CROCC: variants seen among roughly 807,000 people sequenced by gnomAD.
CROCC encodes the protein rootletin.
Under a neutral mutation model 245.2 loss-of-function variants are expected in CROCC, and 180 were observed. The ratio of observed to expected loss-of-function variants is 0.73; its 90% confidence interval spans 0.65 to 0.83. CROCC has a LOEUF of 0.83. Among genes scored for constraint, CROCC ranks in the 40% least tolerant of loss-of-function variants. The pLI is 0.00. For missense variants in CROCC, 2,688 were observed against 2,779.4 expected, an observed-to-expected ratio of 0.97 and a Z score of 0.74; for synonymous variants, 1,205 against 1,241.6, an observed-to-expected ratio of 0.97 and a Z score of 0.62.
At chr1:16,920,695 G>T (rs186386588), upstream of CROCC, among the ~76,000 whole-genome samples, 3 of 151,918 alleles carry the variant, frequency 2.0e-5, no homozygotes, top group Admixed American at 6.6e-5. Context: ...AATGGGAGGT[G>T]GTGGGTGACC....
In CROCC at chr1:16,955,520, C is replaced by T; in HGVS notation, c.3674C>T (p.Ala1225Val). 1.3e-6 allele frequency: 2 copies of T among 1,566,800 alleles called. No homozygotes were observed. The highest frequency in any genetic ancestry group is 8.6e-7 in the Non-Finnish European group (1 of 1,160,402). ...CGTTCCAATGAGGAGCTTCGGTCTG[C>T]TGTGAAGAAGGCAGAGAGCGAGCGC... ...LRRSNEELRS[A>V]VKKAESERIS... The change falls in exon 24 of 37, where the codon GCT becomes GTT. Residue 1225 changes from alanine to valine, a missense_variant. Physicochemically the swap from Ala to Val is moderately conservative, Grantham distance 64. Around this residue, in one of 9 missense-constraint regions of CROCC, gnomAD observed 1,218 missense variants for 1,286.3 expected, o/e 0.95. Transcript: ENST00000375541.
intron 8 of CROCC, among the ~76,000 whole-genome samples, chr1:16,935,713 C>G (rs1212749890): frequency 3.3e-5 from 5 of 152,282 alleles, no homozygotes; most frequent in African/African-American, 4.8e-5. Context: ...CGTGAGCCAC[C>G]AAGCCTGGCC....
At chr1:16,915,665 A>G (rs1255790877) in intron 1 of CROCC, among the ~76,000 whole-genome samples, 2 of 152,020 alleles carry the variant, frequency 1.3e-5, no homozygotes, top group Non-Finnish European at 2.9e-5. Flanking sequence ...AAAGGAGGAG[A>G]CAGACAACAT....
intron 35 of CROCC, 92 bp downstream of exon 35, chr1:16,970,859 C>G: frequency 1.4e-6 from 2 of 1,388,364 alleles, no homozygotes; most frequent in Non-Finnish European, 1.9e-6. Flanking sequence ...CAGCCCAGGG[C>G]CCATAACCCC....
At position 16,970,414 on chromosome 1, in the gene CROCC, G is replaced by A. The variant is rs1291258237; in HGVS notation, c.5613G>A (p.Leu1871=). 1.9e-6 allele frequency: 3 copies of A among 1,604,388 alleles called. No individual in the cohort carries two copies. In the South Asian group the frequency reaches 3.3e-5, roughly 18 times the overall value. The change falls in exon 34 of 37, where the codon CTG becomes CTA. Residue 1871 remains leucine (L), a synonymous_variant. Coordinates refer to ENST00000375541, the MANE Select transcript of CROCC (RefSeq NM_014675.5). ...AGGTGGAGCGCTCAGCCCTGCGGCT[G>A]GAGAAGGACCGTGTAGCCCTCAGGA... ...KREVERSALR[L]EKDRVALRRT...
chr1:16,944,077 C>T, intron 13 of CROCC, 23 bp from the exon 14 acceptor site: 1 of 1,521,560 alleles, frequency 6.6e-7, no homozygotes, highest in Non-Finnish European at 8.9e-7. Context: ...ATCCCCTCTG[C>T]TCCCCCTCCC....
chr1:16,943,881 C>G (rs1329380119), intron 13 of CROCC, among the ~76,000 whole-genome samples: 1 of 152,296 alleles, frequency 6.6e-6, no homozygotes, highest in East Asian at 1.9e-4. Flanking sequence ...TCCATCCACT[C>G]CAAGTGGGCG....
chr1:16,950,637 C>T (rs187399946), intron 19 of CROCC, among the ~76,000 whole-genome samples: 6 of 152,244 alleles, frequency 3.9e-5, no homozygotes, highest in South Asian at 2.1e-4. Flanking sequence ...GGATTACAGG[C>T]GTGAGCCAAG....
rs765790848 is a variant in CROCC, at chr1:16,966,043, C to T, written c.4620C>T (p.Ala1540=). Residue 1540 remains alanine, a synonymous_variant, in exon 29 of 37, where the codon GCC becomes GCT. Transcript: ENST00000375541. The surrounding 1 kb of genome is among the most constrained non-coding windows in gnomAD (Gnocchi z 4.8). ...TQTSALNRQL[A]EMEAERDSAT... is the part of the protein sequence containing the mutation. ...CCAGTGCCCTGAATCGCCAGCTGGC[C>T]GAGATGGAGGCTGAGAGGGACAGCG... The T allele has an allele frequency of 3.1e-5, 50 of 1,613,732 alleles. No homozygotes were observed. Among genetic ancestry groups the T allele is most frequent in the African/African-American group, 8.0e-5 (6 of 74,940 alleles).
upstream of CROCC, among the ~76,000 whole-genome samples, chr1:16,918,201 A>G (rs2075330393): frequency 6.7e-6 from 1 of 149,234 alleles, no homozygotes; most frequent in African/African-American, 2.5e-5. Flanking sequence ...ACACTGGTGC[A>G]GGGTCACACA....
At chr1:16,920,188 C>T (rs2075374458), upstream of CROCC, among the ~76,000 whole-genome samples, 1 of 152,252 alleles carries the variant, frequency 6.6e-6, no homozygotes, top group Non-Finnish European at 1.5e-5. Context: ...AAGCGATTCT[C>T]CTGACTCAGC....
intron 23 of CROCC, 53 bp from the exon 24 acceptor site, chr1:16,955,259 C>A: frequency 1.3e-6 from 2 of 1,560,876 alleles, no homozygotes; most frequent in South Asian, 1.1e-5. Flanking sequence ...CAAGACCCAG[C>A]TTGACGGGGG....
At chr1:16,970,052 A>G in intron 33 of CROCC, 118 bp downstream of exon 33, 1 of 1,340,750 alleles carries the variant, frequency 7.5e-7, no homozygotes, top group African/African-American at 1.5e-5. Flanking sequence ...CAGTAAGGAA[A>G]CATGGTTCAT....
At chr1:16,932,431 A>G (rs2075698025) in intron 8 of CROCC, among the ~76,000 whole-genome samples, 1 of 152,230 alleles carries the variant, frequency 6.6e-6, no homozygotes, top group Non-Finnish European at 1.5e-5. Context: ...CAAGAGCAGA[A>G]CTCCATCCAA....
Position 16,958,720 on chromosome 1 carries a change from C to A in CROCC, c.4002C>A (p.Gly1334=), listed in dbSNP as rs370908579. The part of the protein sequence containing the change: ...TLGLRQRLLK[G]EASLEVMRQE... The stretch of plus-strand genomic sequence containing the variant: ...GCCTCCGGCAGAGGCTGCTGAAGGG[C>A]GAGGCCAGCCTGGAGGTGATGCGGC... Residue 1334 remains glycine (G), a synonymous_variant, in exon 26 of 37, where the codon GGC becomes GGA. Transcript: ENST00000375541. The A allele has an allele frequency of 1.3e-6, 2 of 1,561,866 alleles. No homozygotes were observed. Among genetic ancestry groups the A allele is most frequent in the Non-Finnish European group, 1.7e-6 (2 of 1,153,876 alleles).
rs571267408 is a variant in CROCC at position 16,925,710 on chromosome 1, G to A, written c.351+1231G>A. Among the ~76,000 whole-genome samples, 3 of 152,398 alleles carry A rather than the reference G, an allele frequency of 2.0e-5. No homozygotes were observed. The South Asian group carries it at 6.2e-4, about 32-fold the overall frequency. On this transcript the variant is annotated intron_variant, in intron 3 of 36. Coordinates refer to ENST00000375541, the MANE Select transcript of CROCC (RefSeq NM_014675.5). The stretch of plus-strand genomic sequence containing the variant: ...CAGGAGGGTGTGTGTTCCTGTGTAT[G>A]ACTGTGGGGTGTGCCCGTGTCCTGG...
At chr1:16,919,503 G>A (rs1387609191), upstream of CROCC, among the ~76,000 whole-genome samples, 10 of 152,290 alleles carry the variant, frequency 6.6e-5, no homozygotes, top group Admixed American at 2.6e-4. Context: ...AGCAGGACAA[G>A]CCGCAGGCAA....
rs1024085663 is a variant in CROCC at position 16,940,074 on chromosome 1, G to A, written c.1789G>A (p.Ala597Thr). The change falls in exon 13 of 37, where the codon GCC (alanine) becomes ACC (threonine). Residue 597 changes from alanine to threonine, a missense_variant. Around this residue, in one of 9 missense-constraint regions of CROCC, gnomAD observed 972 missense variants for 895.3 expected, o/e 1.09. Transcript: ENST00000375541. ...AQREVQRLRS[A>T]NELLSREKSN... ...GCGCGAGGTGCAGCGGCTGCGGAGCGCCAACGAGCTCCTGAGCAGGTGCCG... is the reference window on the plus strand; with the variant it reads ...GCGCGAGGTGCAGCGGCTGCGGAGCACCAACGAGCTCCTGAGCAGGTGCCG... 1 of 1,606,028 alleles carries A rather than the reference G, an allele frequency of 6.2e-7. No individual in the cohort carries two copies. The highest frequency in any genetic ancestry group is 2.2e-5 in the East Asian group (1 of 44,772).
rs759538327 is a variant in CROCC, at chr1:16,970,286, G to A, written c.5485G>A (p.Ala1829Thr). Residue 1829 changes from alanine (A) to threonine (T), a missense_variant, in exon 34 of 37, where the codon GCC becomes ACC. Physicochemically the swap from Ala to Thr is moderately conservative, Grantham distance 58 (BLOSUM62 0). Around this residue, in one of 9 missense-constraint regions of CROCC, gnomAD observed 1,218 missense variants for 1,286.3 expected, o/e 0.95. Transcript: ENST00000375541. ...GCAGCGGCAGGAGGGTGAGGCTGCA[G>A]CCCTGAACACCGTCCAGAAGCTGCA... The part of the protein sequence containing the change: ...LRQRQEGEAA[A>T]LNTVQKLQDE... 7.6e-6 allele frequency: 12 copies of A among 1,576,356 alleles called. No homozygotes were observed. In the African/African-American group the frequency reaches 1.1e-4, roughly 14 times the overall value.
Sources: allele counts gnomAD v4.1 joint callset (sites outside exome capture counted in the v4.1 genomes callset), GRCh38; gene constraint gnomAD v4.1.1; regional missense constraint gnomAD v4.1.1; non-coding constraint Gnocchi (gnomAD v3.1); transcripts MANE v1.5; gene names NCBI Gene and HGNC (gene_info 2026-07-23, HGNC 2026-07-21).